NRIP1: variants seen among roughly 807,000 people sequenced by gnomAD.
The protein encoded by NRIP1 is nuclear receptor interacting protein 1, also known as nuclear receptor-interacting protein 1.
Under a neutral mutation model 75.0 loss-of-function variants are expected in NRIP1, and 28 were observed. The ratio of observed to expected loss-of-function variants is 0.37; its 90% CI spans 0.28 to 0.51. NRIP1 has a LOEUF of 0.51. Ranked by LOEUF, NRIP1 falls within the 20% of genes least tolerant of loss-of-function variation. NRIP1 has a pLI of 0.92. For missense variants in NRIP1, 1,435 were observed against 1,343.7 expected, an observed-to-expected ratio of 1.07 and a Z score of -1.06; for synonymous variants, 526 against 487.6, an observed-to-expected ratio of 1.08 and a Z score of -1.04.
At chr21:14,983,741 A>G (rs1211779897) in intron 3 of NRIP1, among the ~76,000 whole-genome samples, 1 of 152,180 alleles carries the variant, frequency 6.6e-6, no homozygotes, top group Admixed American at 6.5e-5. Flanking sequence ...ATGCTCATAT[A>G]CCATTCCAAA....
chr21:15,062,126 C>T (rs2089435889), intron 1 of NRIP1, among the ~76,000 whole-genome samples: 1 of 152,184 alleles, frequency 6.6e-6, no homozygotes, highest in South Asian at 2.1e-4. Flanking sequence ...TCAGGCTACA[C>T]CACTTAAAGG....
intron 1 of NRIP1, among the ~76,000 whole-genome samples, chr21:15,058,522 C>T (rs1325070743): frequency 1.3e-5 from 2 of 152,086 alleles, no homozygotes; most frequent in African/African-American, 4.8e-5. Context: ...TAAAAGCATG[C>T]TTCTCAGAAA....
At chr21:15,009,838 T>C (rs1381744995) in intron 3 of NRIP1, among the ~76,000 whole-genome samples, 2 of 152,200 alleles carry the variant, frequency 1.3e-5, no homozygotes, top group South Asian at 2.1e-4. Context: ...TAAAAACTTC[T>C]GTCATATAGC....
At chr21:15,018,954 G>A (rs2088301939) in intron 2 of NRIP1, among the ~76,000 whole-genome samples, 1 of 151,986 alleles carries the variant, frequency 6.6e-6, no homozygotes, top group African/African-American at 2.4e-5. Flanking sequence ...TTATACAGCT[G>A]TAGTATATAA....
chr21:15,038,069 G>A (rs550185105), intron 2 of NRIP1, among the ~76,000 whole-genome samples: 1 of 152,156 alleles, frequency 6.6e-6, no homozygotes, highest in South Asian at 2.1e-4. Flanking sequence ...AATTAGGGTT[G>A]ACTGCAATCA....
intron 3 of NRIP1, among the ~76,000 whole-genome samples, chr21:14,973,861 T>TTTC (rs1555880702): frequency 2.0e-5 from 3 of 150,168 alleles, no homozygotes; most frequent in African/African-American, 7.4e-5. Context: ...TTTTTTTTTT[T>TTTC]CCTGTGGAGA....
intron 2 of NRIP1, among the ~76,000 whole-genome samples, chr21:15,041,087 G>A (rs1260708846): frequency 2.6e-5 from 4 of 151,966 alleles, no homozygotes; most frequent in Non-Finnish European, 4.4e-5. Context: ...ACACAAACTC[G>A]AAAGAAAACT....
intron 1 of NRIP1, among the ~76,000 whole-genome samples, chr21:15,047,491 G>C (rs1281263203): frequency 1.3e-5 from 2 of 152,230 alleles, no homozygotes; most frequent in Non-Finnish European, 2.9e-5. Flanking sequence ...AGTGAGCTGA[G>C]ACCGCGCCAC....
intron 1 of NRIP1, among the ~76,000 whole-genome samples, chr21:15,058,585 C>T (rs1019340747): frequency 5.3e-5 from 8 of 152,160 alleles, no homozygotes; most frequent in Non-Finnish European, 1.2e-4. Flanking sequence ...ATAGATTCCT[C>T]AAGAGAGAAG....
chr21:15,054,430 C>T (rs144186281), intron 1 of NRIP1, among the ~76,000 whole-genome samples: 2 of 152,100 alleles, frequency 1.3e-5, no homozygotes, highest in African/African-American at 4.8e-5. Context: ...ATATAATTTG[C>T]GTATTACTGA....
chr21:15,062,453 A>T (rs1299576707), intron 1 of NRIP1, among the ~76,000 whole-genome samples: 1 of 152,252 alleles, frequency 6.6e-6, no homozygotes, highest in Non-Finnish European at 1.5e-5. Context: ...CTCTGATAAC[A>T]ACGCAGAAGT....
intron 2 of NRIP1, among the ~76,000 whole-genome samples, chr21:15,018,778 T>C (rs573505835): frequency 1.0e-3 from 159 of 152,308 alleles, no homozygotes; most frequent in African/African-American, 3.6e-3. Context: ...TGGGGTTATT[T>C]TCCCTTAATA....
At chr21:15,035,150 A>G (rs1006759963) in intron 2 of NRIP1, among the ~76,000 whole-genome samples, 5 of 152,188 alleles carry the variant, frequency 3.3e-5, no homozygotes, top group Non-Finnish European at 7.4e-5. Flanking sequence ...ATTCTATTTA[A>G]CTGTGGCTGT....
At chr21:15,047,465 A>T (rs571486937) in intron 1 of NRIP1, among the ~76,000 whole-genome samples, 4 of 152,186 alleles carry the variant, frequency 2.6e-5, no homozygotes, top group Non-Finnish European at 2.9e-5. Context: ...GCGTGAACCC[A>T]GGAGGCGGAG....
chr21:15,017,649 C>G (rs1049490517), intron 2 of NRIP1, among the ~76,000 whole-genome samples: 6 of 152,090 alleles, frequency 3.9e-5, no homozygotes, highest in Admixed American at 1.3e-4. Flanking sequence ...GAATTCAAAT[C>G]CCAGTATTTT....
chr21:15,001,045 T>C (rs2087838379), intron 3 of NRIP1, among the ~76,000 whole-genome samples: 2 of 152,232 alleles, frequency 1.3e-5, no homozygotes, highest in Non-Finnish European at 2.9e-5. Flanking sequence ...CTTGTGATTA[T>C]ACAGATCTCC....
At chr21:14,969,719 C>CTG (rs1240729630) in intron 3 of NRIP1, among the ~76,000 whole-genome samples, 1 of 152,148 alleles carries the variant, frequency 6.6e-6, no homozygotes, top group African/African-American at 2.4e-5. Context: ...AAAGACTACC[C>CTG]TGTAGCTTTT....
chr21:14,994,874 C>T (rs2087678307), intron 3 of NRIP1, among the ~76,000 whole-genome samples: 1 of 152,142 alleles, frequency 6.6e-6, no homozygotes. Flanking sequence ...CCTCTAAGTA[C>T]TCAACAAGTT....
chr21:14,979,596 A>G (rs533784229), intron 3 of NRIP1, among the ~76,000 whole-genome samples: 4 of 152,344 alleles, frequency 2.6e-5, no homozygotes, highest in Middle Eastern at 3.4e-3. Flanking sequence ...CCATCTTTGA[A>G]GTCAAGATCT....
Sources: gnomAD v4.1 joint callset for allele counts (sites outside exome capture counted in the v4.1 genomes callset) on GRCh38, gnomAD v4.1.1 for gene constraint, MANE v1.5 for transcripts, NCBI Gene and HGNC (gene_info 2026-07-23, HGNC 2026-07-21) for gene names.